NPIPB2: variants seen among roughly 807,000 people sequenced by gnomAD.
The protein encoded by NPIPB2 is nuclear pore complex-interacting protein family member B2.
NPIPB2 carries 27 observed loss-of-function variants against 30.8 expected under a neutral mutation model. The ratio of observed to expected loss-of-function variants is 0.88; its 90% CI spans 0.65 to 1.21. The LOEUF (loss-of-function observed/expected upper bound fraction) is 1.21. NPIPB2 is among the 50% of genes most tolerant of loss of function. The pLI is 0.00. For synonymous variants in NPIPB2, 147 were observed against 162.0 expected, an observed-to-expected ratio of 0.91 and a Z score of 0.70; for missense variants, 440 against 446.2, an observed-to-expected ratio of 0.99 and a Z score of 0.13.
intron 1 of NPIPB2, chr16:11,976,466 G>A (rs1033842772): frequency 3.2e-6 from 1 of 310,050 alleles, no homozygotes; most frequent in Non-Finnish European, 5.9e-6. Flanking sequence ...ATCCCTCTCT[G>A]GGACGAAGTC....
chr16:11,940,498 G>A (rs1351920932), intron 1 of NPIPB2, among the ~76,000 whole-genome samples: 4 of 150,336 alleles, frequency 2.7e-5, no homozygotes, highest in South Asian at 2.1e-4. Flanking sequence ...CCCAGCACTG[G>A]GAGGCTGAGG....
chr16:11,972,134 C>T (rs138092621), intron 1 of NPIPB2, among the ~76,000 whole-genome samples: 4 of 151,040 alleles, frequency 2.6e-5, no homozygotes, highest in South Asian at 2.1e-4. Flanking sequence ...GGCGACAATG[C>T]GAGACTCTGT....
At chr16:11,950,421 C>G (rs1276837718) in intron 1 of NPIPB2, among the ~76,000 whole-genome samples, 2 of 152,144 alleles carry the variant, frequency 1.3e-5, no homozygotes, top group African/African-American at 4.8e-5. Flanking sequence ...CCTCTTGCTG[C>G]AGCCCCCCAA....
intron 1 of NPIPB2, among the ~76,000 whole-genome samples, chr16:11,976,118 T>C (rs958628249): frequency 2.0e-5 from 3 of 151,260 alleles, no homozygotes; most frequent in Non-Finnish European, 4.4e-5. Flanking sequence ...TCCCTCCACC[T>C]CCTCAATCTC....
At chr16:11,927,327 T>C (rs1000568396), downstream of NPIPB2, 16 of 804,114 alleles carry the variant, frequency 2.0e-5, no homozygotes, top group African/African-American at 2.5e-4. Flanking sequence ...TTTTGTTTTG[T>C]TTTTTGATTT....
chr16:11,964,672 C>T (rs1272980199), intron 1 of NPIPB2, among the ~76,000 whole-genome samples: 2 of 152,202 alleles, frequency 1.3e-5, no homozygotes, highest in African/African-American at 2.4e-5. Context: ...GCCTCGGCCT[C>T]CCAAAGTGCT....
At chr16:11,950,440 G>A (rs1490459839) in intron 1 of NPIPB2, among the ~76,000 whole-genome samples, 2 of 152,258 alleles carry the variant, frequency 1.3e-5, no homozygotes, top group East Asian at 1.9e-4. Context: ...AAAATGCTGA[G>A]GTTATAGGCC....
chr16:11,963,981 G>C (rs1341806258), intron 1 of NPIPB2: 1 of 151,376 alleles, frequency 6.6e-6, no homozygotes, highest in Non-Finnish European at 1.5e-5. Flanking sequence ...GCTGCAGTGA[G>C]CTGTGATTGT....
At position 11,951,616 on chromosome 16, in the gene NPIPB2, A is replaced by ACATACC. The variant is rs1255683765; in HGVS notation, c.-583-9503_-583-9502insGGTATG. 5.1e-3 allele frequency among the ~76,000 whole-genome samples: 553 copies of ACATACC among 108,628 alleles called. 3 individuals carry two copies. The highest frequency in any genetic ancestry group is 0.014 in the South Asian group (48 of 3,492). The allele number at this position is 108,628 out of a possible 152,430, so 71.3% of individuals were successfully genotyped here. ...TGGCACTGATACAGATGGACACTGC[A>ACATACC]CATACACATACACACACACACACAC... On this transcript the variant is annotated intron_variant, in intron 1 of 5. Transcript: ENST00000538896.
intron 1 of NPIPB2, among the ~76,000 whole-genome samples, chr16:11,958,562 C>G (rs2055132707): frequency 6.6e-6 from 1 of 151,956 alleles, no homozygotes; most frequent in South Asian, 2.1e-4. Flanking sequence ...AGACCCCCAT[C>G]TTTGCAAAAA....
At chr16:11,957,129 T>C (rs2055118552) in intron 1 of NPIPB2, among the ~76,000 whole-genome samples, 1 of 150,684 alleles carries the variant, frequency 6.6e-6, no homozygotes, top group Non-Finnish European at 1.5e-5. Flanking sequence ...GTGGCTGGGA[T>C]TACAGGTATG....
intron 1 of NPIPB2, among the ~76,000 whole-genome samples, chr16:11,948,045 T>C (rs973868766): frequency 6.7e-6 from 1 of 150,052 alleles, no homozygotes; most frequent in Non-Finnish European, 1.5e-5. Context: ...CAGCCCGTTA[T>C]CCACATCCTG....
chr16:11,938,038 G>C (rs2054890789), intron 1 of NPIPB2, among the ~76,000 whole-genome samples: 1 of 152,242 alleles, frequency 6.6e-6, no homozygotes, highest in South Asian at 2.1e-4. Context: ...TTTTGAGACA[G>C]AGTTCCGCTC....
In NPIPB2 at chr16:11,971,499, C is replaced by T. The variant is rs965077942; in HGVS notation, c.-584+5069G>A. On this transcript the variant is annotated intron_variant, in intron 1 of 5. Transcript: ENST00000538896. ...ATAGGTAGATTCAGAGATTTTCTTTCTTTTTTATTTTTTTAGACAGAGTCT... is the reference window on the plus strand; with the variant it reads ...ATAGGTAGATTCAGAGATTTTCTTTTTTTTTTATTTTTTTAGACAGAGTCT... Among the ~76,000 whole-genome samples, 16 of 149,384 alleles carry T rather than the reference C, an allele frequency of 1.1e-4. No individual in the cohort carries two copies. In the Admixed American group the frequency reaches 1.1e-3, roughly 10 times the overall value.
At chr16:11,949,826 T>C (rs2055046712) in intron 1 of NPIPB2, among the ~76,000 whole-genome samples, 2 of 152,164 alleles carry the variant, frequency 1.3e-5, no homozygotes, top group Non-Finnish European at 2.9e-5. Flanking sequence ...TTTGAGTCAC[T>C]TGAAGCCAGT....
At chr16:11,957,867 G>A (rs2055123955) in intron 1 of NPIPB2, among the ~76,000 whole-genome samples, 1 of 152,122 alleles carries the variant, frequency 6.6e-6, no homozygotes, top group Admixed American at 6.6e-5. Context: ...TCCTACAATT[G>A]CATGAAGCAA....
chr16:11,973,903 G>C (rs928424360), intron 1 of NPIPB2, among the ~76,000 whole-genome samples: 2 of 152,238 alleles, frequency 1.3e-5, no homozygotes, highest in Non-Finnish European at 2.9e-5. Context: ...AGGATCACTG[G>C]AGATGGAATG....
At chr16:11,969,496 C>A (rs1192505745) in intron 1 of NPIPB2, among the ~76,000 whole-genome samples, 1 of 152,098 alleles carries the variant, frequency 6.6e-6, no homozygotes, top group Non-Finnish European at 1.5e-5. Flanking sequence ...ACCTCGTGAT[C>A]CACCTGTCTT....
At chr16:11,946,168 C>T (rs568350910), upstream of NPIPB2, among the ~76,000 whole-genome samples, 31 of 151,934 alleles carry the variant, frequency 2.0e-4, no homozygotes, top group Admixed American at 1.7e-3. Context: ...GGCAGATCGC[C>T]TGAGGTCAGG....
Sources: gnomAD v4.1 joint callset for allele counts (sites outside exome capture counted in the v4.1 genomes callset) on GRCh38, gnomAD v4.1.1 for gene constraint, MANE v1.5 for transcripts, NCBI Gene and HGNC (gene_info 2026-07-23, HGNC 2026-07-21) for gene names.